DPP6: variants seen among roughly 807,000 people sequenced by gnomAD.
DPP6 encodes A-type potassium channel modulatory protein DPP6.
In DPP6, 69 loss-of-function variants were observed where a neutral mutation model predicts 122.6. The observed-to-expected ratio is 0.56, with a 90% CI of 0.46 to 0.69. DPP6 has a LOEUF of 0.69. DPP6 is among the 30% of genes least tolerant of loss of function. The pLI is 0.00. For missense variants in DPP6, 928 were observed against 1,116.9 expected, an observed-to-expected ratio of 0.83 and a Z score of 2.41; for synonymous variants, 418 against 433.1, an observed-to-expected ratio of 0.97 and a Z score of 0.43.
intron 5 of DPP6, among the ~76,000 whole-genome samples, chr7:154,611,859 G>A (rs1038026709): frequency 1.8e-5 from 1 of 55,518 alleles, no homozygotes; most frequent in African/African-American, 4.1e-5. Context: ...TCATATATGT[G>A]TGTGTGTGTG....
At chr7:153,814,491 A>G in the DPP6 span, among the ~76,000 whole-genome samples, 1 of 152,176 alleles carries the variant, frequency 6.6e-6, no homozygotes, top group African/African-American at 2.4e-5. Flanking sequence ...AAAAGAGTCC[A>G]GGACCAGATG....
At chr7:154,021,850 T>C (rs1488483464) in intron 1 of DPP6, among the ~76,000 whole-genome samples, 1 of 152,212 alleles carries the variant, frequency 6.6e-6, no homozygotes, top group Non-Finnish European at 1.5e-5. Context: ...CCTATGTTGG[T>C]GAGAATGGAT....
chr7:154,628,022 G>A (rs1287134901), intron 5 of DPP6, among the ~76,000 whole-genome samples: 1 of 152,224 alleles, frequency 6.6e-6, no homozygotes, highest in Non-Finnish European at 1.5e-5. Context: ...TACCCACTGA[G>A]AGCAGATAGC....
chr7:154,638,522 T>G (rs1056218306), intron 6 of DPP6, among the ~76,000 whole-genome samples: 1 of 152,136 alleles, frequency 6.6e-6, no homozygotes, highest in Non-Finnish European at 1.5e-5. Context: ...GCCCCCCGGC[T>G]TCATTCTTTC....
chr7:154,419,560 C>T (rs577449971), intron 1 of DPP6, among the ~76,000 whole-genome samples: 46 of 152,296 alleles, frequency 3.0e-4, no homozygotes, highest in South Asian at 2.5e-3. Context: ...ACTTCACCAG[C>T]GACCTCCCAC....
At position 154,876,066 on chromosome 7, in the gene DPP6, T is replaced by C; in HGVS notation, c.2044T>C (p.Leu682=). ...GCACGAAGTGAGGCGGCGGCTGGGC[T>C]TGCTGGAGGAGAAGGACCAGATGGA... The part of the protein sequence containing the change: ...LLHEVRRRLG[L]LEEKDQMEAV... Residue 682 remains leucine, a synonymous_variant, in exon 20 of 26, where the codon TTG becomes CTG. Coordinates refer to ENST00000377770, the MANE Select transcript of DPP6 (RefSeq NM_130797.4). 1 of 1,607,810 alleles carries C rather than the reference T, an allele frequency of 6.2e-7. No homozygotes were observed. The highest frequency in any genetic ancestry group is 8.5e-7 in the Non-Finnish European group (1 of 1,176,746).
At chr7:154,415,778 A>G (rs1320729949) in intron 1 of DPP6, among the ~76,000 whole-genome samples, 1 of 150,214 alleles carries the variant, frequency 6.7e-6, no homozygotes, top group African/African-American at 2.5e-5. Context: ...TCAGTACTGG[A>G]AAGCTGAGTC....
intron 1 of DPP6, among the ~76,000 whole-genome samples, chr7:153,994,059 T>C (rs866633659): frequency 5.9e-4 from 90 of 152,238 alleles, no homozygotes; most frequent in African/African-American, 2.0e-3. Context: ...AGCAACCTTA[T>C]AGGTACATAT....
intron 1 of DPP6, among the ~76,000 whole-genome samples, chr7:154,216,868 A>G (rs1313398447): frequency 7.0e-6 from 1 of 143,446 alleles, no homozygotes; most frequent in Non-Finnish European, 1.5e-5. Context: ...TAAACCTCAT[A>G]TATATGTTAA....
intron 2 of DPP6, among the ~76,000 whole-genome samples, chr7:154,467,022 A>G (rs956076083): frequency 6.6e-6 from 1 of 152,344 alleles, no homozygotes; most frequent in Non-Finnish European, 1.5e-5. Context: ...AGGTAAACAC[A>G]GTAGTGGGAC....
chr7:153,792,973 A>G, the DPP6 span, among the ~76,000 whole-genome samples: 62,240 of 150,406 alleles, frequency 0.41, 11,047 homozygotes, highest in Middle Eastern at 0.5. Flanking sequence ...TTCACCTCCC[A>G]CCATGATTCT....
At chr7:154,475,171 G>A in intron 3 of DPP6, 134 bp downstream of exon 3, 1 of 721,600 alleles carries the variant, frequency 1.4e-6, no homozygotes, top group Middle Eastern at 2.4e-4. Context: ...AGCTTTTGCT[G>A]TAGTCATCAT....
chr7:153,816,162 C>T, the DPP6 span, among the ~76,000 whole-genome samples: 1 of 151,964 alleles, frequency 6.6e-6, no homozygotes, highest in Non-Finnish European at 1.5e-5. Flanking sequence ...ACAAAAATAT[C>T]ATCATTAGAA....
At chr7:154,453,247 A>T (rs939662073) in intron 2 of DPP6, among the ~76,000 whole-genome samples, 6 of 152,116 alleles carry the variant, frequency 3.9e-5, no homozygotes, top group African/African-American at 1.4e-4. Flanking sequence ...AAACACTAGA[A>T]CACTTTTAGG....
chr7:154,825,576 G>A (rs901281116), intron 16 of DPP6, among the ~76,000 whole-genome samples: 2 of 152,230 alleles, frequency 1.3e-5, no homozygotes, highest in Non-Finnish European at 2.9e-5. Context: ...ATGCTGCCAC[G>A]ACAGGGGTTG....
intron 1 of DPP6, among the ~76,000 whole-genome samples, chr7:154,411,533 G>C (rs1016586980): frequency 6.6e-6 from 1 of 152,170 alleles, no homozygotes; most frequent in Non-Finnish European, 1.5e-5. Context: ...GAGCCACAGT[G>C]CTTGGCCTCA....
intron 16 of DPP6, among the ~76,000 whole-genome samples, chr7:154,818,145 A>C (rs1056395356): frequency 6.6e-6 from 1 of 152,212 alleles, no homozygotes; most frequent in Non-Finnish European, 1.5e-5. Context: ...CAGCCAAAAT[A>C]GAAGTGACAG....
At chr7:154,456,276 A>C (rs1820820112) in intron 2 of DPP6, among the ~76,000 whole-genome samples, 1 of 152,172 alleles carries the variant, frequency 6.6e-6, no homozygotes, top group Non-Finnish European at 1.5e-5. Context: ...ATATCCATGC[A>C]CTTTCTCAGA....
chr7:153,839,536 A>C, the DPP6 span, among the ~76,000 whole-genome samples: 2 of 152,222 alleles, frequency 1.3e-5, no homozygotes, highest in Non-Finnish European at 1.5e-5. Context: ...CCAACCTCAG[A>C]CAGCCACAAC....
Sources: gnomAD v4.1 joint callset for allele counts (sites outside exome capture counted in the v4.1 genomes callset) on GRCh38, gnomAD v4.1.1 for gene constraint, MANE v1.5 for transcripts, NCBI Gene and HGNC (gene_info 2026-07-23, HGNC 2026-07-21) for gene names.